Variants in NTM observed in about 807,000 individuals in gnomAD.
NTM encodes neurotrimin.
Under a neutral mutation model 42.1 loss-of-function variants are expected in NTM, and 13 were observed. That is an observed-to-expected ratio of 0.31 (90% CI 0.20 to 0.49). The LOEUF (loss-of-function observed/expected upper bound fraction) is 0.49. Among genes scored for constraint, NTM ranks in the 20% least tolerant of loss-of-function variants. The pLI is 0.99. For synonymous variants in NTM, 187 were observed against 179.2 expected, an observed-to-expected ratio of 1.04 and a Z score of -0.35; for missense variants, 373 against 452.8, an observed-to-expected ratio of 0.82 and a Z score of 1.60.
At chr11:131,853,227 T>C (rs1351907889) in intron 1 of NTM, among the ~76,000 whole-genome samples, 1 of 152,140 alleles carries the variant, frequency 6.6e-6, no homozygotes, top group African/African-American at 2.4e-5. Flanking sequence ...GCAGACTATT[T>C]CTTTTTTTAA....
At chr11:132,122,605 T>A (rs1365001556) in intron 2 of NTM, among the ~76,000 whole-genome samples, 3 of 152,138 alleles carry the variant, frequency 2.0e-5, no homozygotes, top group Non-Finnish European at 4.4e-5. Flanking sequence ...GTGCCTTTGG[T>A]CTGATCATCT....
intron 1 of NTM, among the ~76,000 whole-genome samples, chr11:131,435,957 T>C (rs1949089633): frequency 1.3e-5 from 2 of 152,190 alleles, no homozygotes; most frequent in South Asian, 4.1e-4. Context: ...TTAAGATACG[T>C]TCCGTCAGTA....
At chr11:131,554,430 C>A (rs1004905516) in intron 1 of NTM, among the ~76,000 whole-genome samples, 1 of 151,398 alleles carries the variant, frequency 6.6e-6, no homozygotes, top group Non-Finnish European at 1.5e-5. Flanking sequence ...AGACTTTTGG[C>A]AGGAAAAATT....
chr11:131,427,314 A>G (rs1052790166), intron 1 of NTM, among the ~76,000 whole-genome samples: 45 of 152,196 alleles, frequency 3.0e-4, no homozygotes, highest in African/African-American at 1.0e-3. Flanking sequence ...GAAAATGTCT[A>G]GTCAGAATGT....
intron 1 of NTM, among the ~76,000 whole-genome samples, chr11:131,674,620 T>C (rs575906213): frequency 5.3e-5 from 8 of 152,346 alleles, no homozygotes; most frequent in African/African-American, 1.9e-4. Flanking sequence ...TGTAGTCTTT[T>C]TCTGGTTCCC....
At chr11:131,727,805 C>A (rs918895123) in intron 1 of NTM, among the ~76,000 whole-genome samples, 4 of 152,188 alleles carry the variant, frequency 2.6e-5, no homozygotes, top group Non-Finnish European at 5.9e-5. Flanking sequence ...AGTTTCCATG[C>A]AACCACCTCC....
At chr11:131,979,046 A>G (rs1281717875) in intron 2 of NTM, among the ~76,000 whole-genome samples, 1 of 152,144 alleles carries the variant, frequency 6.6e-6, no homozygotes, top group Non-Finnish European at 1.5e-5. Flanking sequence ...TCTTGGGTAC[A>G]TACTTGGAAG....
intron 3 of NTM, among the ~76,000 whole-genome samples, chr11:132,168,131 A>G (rs1002142039): frequency 6.6e-6 from 1 of 152,214 alleles, no homozygotes; most frequent in African/African-American, 2.4e-5. Context: ...CATTCCTACT[A>G]AGTGCAAGCC....
chr11:131,377,800 C>A (rs1181769239), intron 1 of NTM, among the ~76,000 whole-genome samples: 1 of 152,160 alleles, frequency 6.6e-6, no homozygotes, highest in Non-Finnish European at 1.5e-5. Flanking sequence ...TCTAGCTGCA[C>A]CCTGAATGCT....
intron 1 of NTM, among the ~76,000 whole-genome samples, chr11:131,457,579 A>T (rs1258985413): frequency 2.0e-5 from 3 of 152,228 alleles, no homozygotes; most frequent in Admixed American, 2.0e-4. Context: ...ATACTGCGGC[A>T]TGGTAAGTTT....
chr11:132,252,523 A>G (rs1219185756), intron 4 of NTM, among the ~76,000 whole-genome samples: 2 of 152,206 alleles, frequency 1.3e-5, no homozygotes, highest in Non-Finnish European at 1.5e-5. Context: ...ACAGTTTTCC[A>G]TGGGGAAGCC....
At chr11:131,428,963 G>C (rs900278992) in intron 1 of NTM, among the ~76,000 whole-genome samples, 1 of 152,022 alleles carries the variant, frequency 6.6e-6, no homozygotes, top group Non-Finnish European at 1.5e-5. Flanking sequence ...CCTGAAGCAG[G>C]AGAATTGTTC....
intron 1 of NTM, among the ~76,000 whole-genome samples, chr11:131,909,096 T>C (rs1370627350): frequency 6.6e-6 from 1 of 152,192 alleles, no homozygotes; most frequent in East Asian, 1.9e-4. Context: ...TAATGCAAAG[T>C]ATTTTGAGAT....
At chr11:131,815,225 C>T (rs527469478) in intron 1 of NTM, among the ~76,000 whole-genome samples, 22 of 152,272 alleles carry the variant, frequency 1.4e-4, no homozygotes, top group Non-Finnish European at 2.5e-4. Flanking sequence ...CCCACCTCAC[C>T]TTTCTGGGTG....
chr11:131,896,411 T>G (rs2052273775), intron 1 of NTM, among the ~76,000 whole-genome samples: 1 of 152,186 alleles, frequency 6.6e-6, no homozygotes. Context: ...GAAGCGTCTA[T>G]ATGCAGAATC....
chr11:131,895,517 A>G (rs1234068268), intron 1 of NTM, among the ~76,000 whole-genome samples: 2 of 152,186 alleles, frequency 1.3e-5, no homozygotes, highest in African/African-American at 4.8e-5. Flanking sequence ...GGCAGGTACA[A>G]AAATGAACAA....
chr11:131,669,034 C>T (rs1313081560), intron 1 of NTM, among the ~76,000 whole-genome samples: 6 of 152,208 alleles, frequency 3.9e-5, no homozygotes, highest in African/African-American at 1.2e-4. Flanking sequence ...GAAGCCACCA[C>T]GCCCCTCTGG....
At chr11:132,230,293 C>T (rs1396777254) in intron 4 of NTM, among the ~76,000 whole-genome samples, 3 of 152,194 alleles carry the variant, frequency 2.0e-5, no homozygotes, top group African/African-American at 7.2e-5. Context: ...AGAACTTTAC[C>T]TATATCAGCA....
At chr11:131,770,612 C>A (rs2085910875) in intron 1 of NTM, among the ~76,000 whole-genome samples, 1 of 152,274 alleles carries the variant, frequency 6.6e-6, no homozygotes, top group South Asian at 2.1e-4. Flanking sequence ...TAAATTAAAT[C>A]AACAGTCTGT....
Sources: allele counts gnomAD v4.1 joint callset (sites outside exome capture counted in the v4.1 genomes callset), GRCh38; gene constraint gnomAD v4.1.1; transcripts MANE v1.5; gene names NCBI Gene and HGNC (gene_info 2026-07-23, HGNC 2026-07-21).